The following SEL1L variants were observed in gnomAD, a reference collection of about 807,000 sequenced individuals.
SEL1L encodes the protein SEL1L adaptor subunit of SYVN1 ubiquitin ligase.
SEL1L carries 52 observed loss-of-function variants against 109.8 expected under a neutral mutation model. The ratio of observed to expected loss-of-function variants is 0.47; its 90% CI spans 0.38 to 0.60. The LOEUF is 0.60. Ranked by LOEUF, SEL1L falls within the 20% of genes least tolerant of loss-of-function variation. The pLI is 0.00. For missense variants in SEL1L, 749 were observed against 962.2 expected (o/e 0.78, Z 2.93); for synonymous variants, 373 against 339.6 (o/e 1.10, Z -1.08).
intron 19 of SEL1L, 98 bp from the exon 20 acceptor site, chr14:81,479,838 TC>T: frequency 8.6e-7 from 1 of 1,162,706 alleles, no homozygotes; most frequent in Admixed American, 3.2e-5. Flanking sequence ...TTTGAGGTTT[TC>T]ATTTTAAAAT....
Position 81,477,056 on chromosome 14 carries a change from T to C in SEL1L, c.2301A>G (p.Gln767=). The change falls in exon 21 of 21, where the codon CAA becomes CAG. Residue 767 remains glutamine, a synonymous_variant. Transcript: ENST00000336735. ...TVIAYRQRQH[Q]DMPAPRPPGP... is the part of the protein sequence containing the mutation. ...CTGGAGGCCTGGGTGCAGGCATGTC[T>C]TGGTGCTGCCTTTGCCTGTAAGCTA... The C allele has an allele frequency of 6.2e-7, 1 of 1,614,208 alleles. No individual in the cohort carries two copies. The highest frequency in any genetic ancestry group is 8.5e-7 in the Non-Finnish European group (1 of 1,180,040).
intron 16 of SEL1L, 71 bp downstream of exon 16, chr14:81,487,319 G>A: frequency 1.4e-6 from 2 of 1,428,894 alleles, no homozygotes; most frequent in Non-Finnish European, 1.9e-6. Flanking sequence ...AAAAAAACCA[G>A]AATTGAAAGC....
rs1235411588 is a variant in SEL1L, at chr14:81,476,221, GC to G, written c.*750del. ...ACAAGCAAATTACAGAGTAGGTGGG[GC>G]AAACTCGCGTTAGTGCAAGGAGTCA... On this transcript the variant is annotated 3_prime_UTR_variant, in exon 21 of 21. Transcript: ENST00000336735. 1 of 152,178 alleles carries G rather than the reference GC, an allele frequency of 6.6e-6. No individual in the cohort carries two copies. The highest frequency in any genetic ancestry group is 6.5e-5 in the Admixed American group (1 of 15,276). The allele number at this position is 152,178 out of a possible 1,614,324, so 9.4% of individuals were successfully genotyped here. A position where few individuals can be genotyped will look rare whatever the true frequency, so the allele number is the denominator to read the frequency against.
intron 2 of SEL1L, 96 bp downstream of exon 2, chr14:81,527,605 C>T: frequency 3.8e-6 from 3 of 790,846 alleles, no homozygotes; most frequent in Middle Eastern, 5.0e-4. Context: ...TCAACTGTTA[C>T]TCAAAAGTTG....
chr14:81,513,262 C>T (rs1235663137), intron 3 of SEL1L, among the ~76,000 whole-genome samples: 1 of 152,210 alleles, frequency 6.6e-6, no homozygotes, highest in African/African-American at 2.4e-5. Context: ...GCCACCTGAG[C>T]CAGCAGTGGC....
chr14:81,496,448 A>C (rs1883753755), intron 10 of SEL1L, among the ~76,000 whole-genome samples: 1 of 152,242 alleles, frequency 6.6e-6, no homozygotes, highest in Admixed American at 6.5e-5. Flanking sequence ...ACAGTAAGAA[A>C]TAAAGAGCTG....
In SEL1L at chr14:81,506,073, C is replaced by G; in HGVS notation, c.508+1G>C. The G allele has an allele frequency of 6.2e-7, 1 of 1,613,382 alleles. No homozygotes were observed. Among genetic ancestry groups the G allele is most frequent in the Non-Finnish European group, 8.5e-7 (1 of 1,179,558 alleles). ...TCTGCCTCCTACTGAGCAATACTTACTTTCACAAAAGCCCCACTTTTCATC... is the reference window on the plus strand; with the variant it reads ...TCTGCCTCCTACTGAGCAATACTTAGTTTCACAAAAGCCCCACTTTTCATC... On this transcript the variant is annotated splice_donor_variant, in intron 4 of 20. Transcript: ENST00000336735. LOFTEE classifies it high-confidence loss of function.
At chr14:81,532,508 G>A (rs548499199) in intron 1 of SEL1L, among the ~76,000 whole-genome samples, 1 of 152,304 alleles carries the variant, frequency 6.6e-6, no homozygotes, top group Non-Finnish European at 1.5e-5. Flanking sequence ...CACTACTACT[G>A]GAGGGAGGGG....
intron 12 of SEL1L, 59 bp downstream of exon 12, chr14:81,492,421 A>G (rs1883577383): frequency 8.5e-7 from 1 of 1,175,594 alleles, no homozygotes; most frequent in Non-Finnish European, 1.3e-6. Context: ...AACACAATAC[A>G]TGCTAATTAT....
intron 3 of SEL1L, among the ~76,000 whole-genome samples, chr14:81,512,886 C>T (rs1884544352): frequency 6.6e-6 from 1 of 152,178 alleles, no homozygotes; most frequent in Non-Finnish European, 1.5e-5. Context: ...ACACAGCAAG[C>T]CTGACTAGTT....
chr14:81,533,301 T>C (rs145687123), intron 1 of SEL1L, among the ~76,000 whole-genome samples: 56 of 152,250 alleles, frequency 3.7e-4, no homozygotes, highest in African/African-American at 1.3e-3. Flanking sequence ...TTATTTAACT[T>C]ACAATTCCCA....
Position 81,489,232 on chromosome 14 carries a change from A to C in SEL1L, c.1395+20T>G, listed in dbSNP as rs761254913. Reference sequence around the variant, plus strand: ...CAGCTGACTGCTCATTAAAGAGAGAATGTCAGACTGAACACTTACAACTTG... The same window carrying C: ...CAGCTGACTGCTCATTAAAGAGAGACTGTCAGACTGAACACTTACAACTTG... On this transcript the variant is annotated intron_variant, in intron 14 of 20. Coordinates refer to ENST00000336735, the MANE Select transcript of SEL1L (RefSeq NM_005065.6). The C allele has an allele frequency of 1.2e-6, 2 of 1,606,758 alleles. No individual in the cohort carries two copies. The highest frequency in any genetic ancestry group is 3.3e-5 in the Admixed American group (2 of 59,988).
intron 10 of SEL1L, among the ~76,000 whole-genome samples, chr14:81,496,665 G>C (rs567600005): frequency 2.0e-5 from 3 of 152,142 alleles, no homozygotes; most frequent in African/African-American, 7.2e-5. Flanking sequence ...GCTTGAACCC[G>C]GGAAGCGGAG....
intron 3 of SEL1L, among the ~76,000 whole-genome samples, chr14:81,508,153 G>C (rs962856935): frequency 2.6e-5 from 4 of 151,996 alleles, no homozygotes; most frequent in African/African-American, 9.7e-5. Context: ...TCTTTCCAGT[G>C]TGAAAAAAGA....
intron 3 of SEL1L, 94 bp from the exon 4 acceptor site, chr14:81,506,335 CAA>C: frequency 9.3e-7 from 1 of 1,080,444 alleles, no homozygotes; most frequent in Non-Finnish European, 1.3e-6. Context: ...GAATTTGAAG[CAA>C]AGATTCATGA....
intron 3 of SEL1L, among the ~76,000 whole-genome samples, chr14:81,510,580 T>C (rs770334977): frequency 4.0e-5 from 6 of 151,464 alleles, no homozygotes; most frequent in South Asian, 2.1e-4. Flanking sequence ...TCACTTTAAA[T>C]TGTAAAATCA....
chr14:81,492,419 A>G, intron 12 of SEL1L, 61 bp downstream of exon 12: 1 of 1,160,218 alleles, frequency 8.6e-7, no homozygotes, highest in Non-Finnish European at 1.3e-6. Flanking sequence ...TGAACACAAT[A>G]CATGCTAATT....
chr14:81,510,049 G>A (rs1884399018), intron 3 of SEL1L, among the ~76,000 whole-genome samples: 1 of 152,232 alleles, frequency 6.6e-6, no homozygotes, highest in South Asian at 2.1e-4. Flanking sequence ...AGGATCAAAG[G>A]CTGAGTCCTG....
intron 3 of SEL1L, among the ~76,000 whole-genome samples, chr14:81,514,602 G>C (rs1433556379): frequency 6.6e-6 from 1 of 152,180 alleles, no homozygotes; most frequent in Non-Finnish European, 1.5e-5. Context: ...GGTCTAGGAG[G>C]AAAACTAGTG....
Sources: allele counts gnomAD v4.1 joint callset (sites outside exome capture counted in the v4.1 genomes callset), GRCh38; gene constraint gnomAD v4.1.1; transcripts MANE v1.5; gene names NCBI Gene and HGNC (gene_info 2026-07-23, HGNC 2026-07-21).